The following CRYBG1 variants were observed in gnomAD, a reference collection of about 807,000 sequenced individuals.
CRYBG1 encodes the protein crystallin beta-gamma domain containing 1.
Under a neutral mutation model 189.2 loss-of-function variants are expected in CRYBG1, and 139 were observed. The ratio of observed to expected loss-of-function variants is 0.73; its 90% CI spans 0.64 to 0.85. CRYBG1 has a LOEUF of 0.85. Ranked by LOEUF, CRYBG1 falls within the 40% of genes least tolerant of loss-of-function variation. CRYBG1 has a pLI of 0.00. For missense variants in CRYBG1, 2,611 were observed against 2,675.8 expected, an observed-to-expected ratio of 0.98 and a Z score of 0.53; for synonymous variants, 1,023 against 1,017.1, an observed-to-expected ratio of 1.01 and a Z score of -0.11.
chr6:106,571,968 G>T lies in CRYBG1; in HGVS notation c.*3402G>T. 1 of 1,562,472 alleles carries T rather than the reference G, an allele frequency of 6.4e-7. No individual in the cohort carries two copies. Among genetic ancestry groups the T allele is most frequent in the Non-Finnish European group, 8.8e-7 (1 of 1,134,752 alleles). ...TCACAGGCACTCACCAAATAAGAAC[G>T]TCAACAATCACTAAACTGCATTTTT... On this transcript the variant is annotated 3_prime_UTR_variant, in exon 22 of 22. Transcript: ENST00000633556.
intron 1 of CRYBG1, among the ~76,000 whole-genome samples, chr6:106,378,191 G>A (rs745931237): frequency 7.9e-5 from 12 of 152,054 alleles, no homozygotes; most frequent in Non-Finnish European, 1.5e-4. Flanking sequence ...CTCTTCCTGT[G>A]GTCTTCCCAC....
At chr6:106,362,507 A>G (rs1271734581) in intron 1 of CRYBG1, among the ~76,000 whole-genome samples, 1 of 152,194 alleles carries the variant, frequency 6.6e-6, no homozygotes, top group East Asian at 1.9e-4. Context: ...TGGCTTAGGC[A>G]GAAACAGGGA....
intron 1 of CRYBG1, among the ~76,000 whole-genome samples, chr6:106,388,022 T>C (rs1325581127): frequency 6.6e-6 from 1 of 152,104 alleles, no homozygotes; most frequent in African/African-American, 2.4e-5. Flanking sequence ...AGGAAGGCCA[T>C]GTGTCCTGGT....
chr6:106,528,185 C>T (rs998587022), intron 7 of CRYBG1, among the ~76,000 whole-genome samples: 1 of 152,198 alleles, frequency 6.6e-6, no homozygotes, highest in Non-Finnish European at 1.5e-5. Context: ...CAGAGGAAAG[C>T]ATCGCTTACT....
At chr6:106,371,105 C>A (rs1770016435) in intron 1 of CRYBG1, among the ~76,000 whole-genome samples, 1 of 152,146 alleles carries the variant, frequency 6.6e-6, no homozygotes, top group Non-Finnish European at 1.5e-5. Context: ...AGTGATAGAG[C>A]CTATCAGTAT....
At chr6:106,457,870 G>C (rs760089818) in intron 2 of CRYBG1, among the ~76,000 whole-genome samples, 3 of 152,160 alleles carry the variant, frequency 2.0e-5, no homozygotes, top group Non-Finnish European at 4.4e-5. Flanking sequence ...GGAAAAAATG[G>C]AAAATAGAGA....
chr6:106,551,069 G>C (rs1240607358), intron 13 of CRYBG1, among the ~76,000 whole-genome samples: 2 of 152,044 alleles, frequency 1.3e-5, no homozygotes, highest in Admixed American at 6.6e-5. Flanking sequence ...CTGAAGTTTG[G>C]GGTACGGTTG....
chr6:106,506,485 G>A (rs541190731), intron 2 of CRYBG1, among the ~76,000 whole-genome samples: 17 of 111,424 alleles, frequency 1.5e-4, no homozygotes, highest in African/African-American at 4.3e-4. Context: ...ATGGAGTTTC[G>A]CTCGTCAGCC....
intron 1 of CRYBG1, among the ~76,000 whole-genome samples, chr6:106,415,495 C>T (rs1771005207): frequency 6.6e-6 from 1 of 151,762 alleles, no homozygotes; most frequent in Non-Finnish European, 1.5e-5. Context: ...GAGGCCGAGG[C>T]AGGCAGATCG....
chr6:106,457,726 C>G (rs553505941), intron 2 of CRYBG1, among the ~76,000 whole-genome samples: 29 of 152,302 alleles, frequency 1.9e-4, no homozygotes, highest in Non-Finnish European at 4.1e-4. Flanking sequence ...CACCACCCCA[C>G]TCTGGAACCT....
intron 1 of CRYBG1, among the ~76,000 whole-genome samples, chr6:106,398,371 G>C (rs927631700): frequency 6.6e-6 from 1 of 152,118 alleles, no homozygotes; most frequent in African/African-American, 2.4e-5. Context: ...TTCAGCCTGG[G>C]AGGCAGAGGT....
At chr6:106,470,942 G>A (rs1400890435) in intron 2 of CRYBG1, among the ~76,000 whole-genome samples, 1 of 152,190 alleles carries the variant, frequency 6.6e-6, no homozygotes, top group Non-Finnish European at 1.5e-5. Flanking sequence ...TGGAATTTCT[G>A]ACTCTTAGCC....
intron 1 of CRYBG1, among the ~76,000 whole-genome samples, chr6:106,373,827 T>C (rs192128213): frequency 1.1e-3 from 171 of 152,358 alleles, no homozygotes; most frequent in Non-Finnish European, 2.2e-3. Flanking sequence ...AACTGGAAAT[T>C]TGCTACTTTG....
intron 6 of CRYBG1, among the ~76,000 whole-genome samples, chr6:106,526,450 T>G (rs1372656721): frequency 6.6e-6 from 1 of 152,214 alleles, no homozygotes; most frequent in Non-Finnish European, 1.5e-5. Context: ...TGTCGGCTTC[T>G]TTTTCTTGAA....
At chr6:106,373,505 T>C (rs1437950178) in intron 1 of CRYBG1, among the ~76,000 whole-genome samples, 1 of 152,140 alleles carries the variant, frequency 6.6e-6, no homozygotes, top group African/African-American at 2.4e-5. Context: ...ATCTACAGAG[T>C]TTGATGCAAA....
In CRYBG1 at chr6:106,521,154, T is replaced by C. The variant is rs375860758; in HGVS notation, c.3946T>C (p.Ser1316Pro). ...DNSLKVFNFN[S>P]SSTSHSSLKS... ...CTCCTTAAAGGTCTTCAATTTCAAC[T>C]CGTCAAGTACATCACACTCCAGTTT... Residue 1316 changes from serine (S) to proline (P), a missense_variant, in exon 4 of 22, where the codon TCG (serine) becomes CCG (proline). Physicochemically the swap from Ser to Pro is moderately conservative, Grantham distance 74 (BLOSUM62 -1). Coordinates refer to ENST00000633556, the MANE Select transcript of CRYBG1 (RefSeq NM_001371242.2). 2.5e-6 allele frequency: 4 copies of C among 1,613,976 alleles called. No homozygotes were observed. The African/African-American group carries it at 5.3e-5, about 22-fold the overall frequency.
intron 16 of CRYBG1, among the ~76,000 whole-genome samples, chr6:106,553,823 T>C (rs376312166): frequency 6.6e-6 from 1 of 152,164 alleles, no homozygotes; most frequent in African/African-American, 2.4e-5. Flanking sequence ...CTTCCCATCA[T>C]CTAGAAAGGG....
At chr6:106,395,847 T>A (rs12195390) in intron 1 of CRYBG1, among the ~76,000 whole-genome samples, 12,267 of 152,242 alleles carry the variant, frequency 0.081, 639 homozygotes, top group East Asian at 0.15. Flanking sequence ...TGGCATTTTA[T>A]TTTTTGTTGG....
chr6:106,391,940 T>C (rs1322668103), intron 1 of CRYBG1, among the ~76,000 whole-genome samples: 2 of 57,742 alleles, frequency 3.5e-5, no homozygotes, highest in Admixed American at 1.9e-4. Context: ...TGTGTGTGTG[T>C]GTGTGTGTGT....
Sources: allele counts gnomAD v4.1 joint callset (sites outside exome capture counted in the v4.1 genomes callset), GRCh38; gene constraint gnomAD v4.1.1; transcripts MANE v1.5; gene names NCBI Gene and HGNC (gene_info 2026-07-23, HGNC 2026-07-21).